Variants in PPP2R1B observed in about 807,000 individuals in gnomAD.
PPP2R1B encodes protein phosphatase 2 scaffold subunit Abeta, also known as serine/threonine-protein phosphatase 2A 65 kDa regulatory subunit A beta isoform.
PPP2R1B carries 58 observed loss-of-function variants against 72.7 expected under a neutral mutation model. The ratio of observed to expected loss-of-function variants is 0.80; its 90% CI spans 0.65 to 0.99. The LOEUF is 0.99. Among genes scored for constraint, PPP2R1B ranks in the 50% least tolerant of loss-of-function variants. The pLI, the probability that PPP2R1B is intolerant of heterozygous loss-of-function variation, is 0.00. For missense variants in PPP2R1B, 695 were observed against 733.6 expected (o/e 0.95, Z 0.61); for synonymous variants, 256 against 264.6 (o/e 0.97, Z 0.32).
At chr11:111,743,646 C>A in intron 11 of PPP2R1B, 116 bp from the exon 12 acceptor site, 1 of 1,223,286 alleles carries the variant, frequency 8.2e-7, no homozygotes, top group Admixed American at 2.3e-5. Flanking sequence ...TGCAATCAGA[C>A]TCCACATGTA....
chr11:111,752,468 G>A, intron 9 of PPP2R1B, 136 bp from the exon 10 acceptor site: 1 of 808,520 alleles, frequency 1.2e-6, no homozygotes, highest in Non-Finnish European at 1.8e-6. Context: ...AAATAATAGT[G>A]AATACATAAA....
Position 111,761,012 on chromosome 11 carries a change from C to A in PPP2R1B, c.346G>T (p.Val116Phe). The change falls in exon 4 of 15, where the codon GTT becomes TTT. Residue 116 changes from valine (V) to phenylalanine (F), a missense_variant. Physicochemically the swap from Val to Phe is conservative, Grantham distance 50 (BLOSUM62 -1). Transcript: ENST00000527614. ...AGGGACTCCACAGCCTTGTCACGAACAACAGTCTCTTCCACAGTTGCCAGA... is the reference window on the plus strand; with the variant it reads ...AGGGACTCCACAGCCTTGTCACGAAAAACAGTCTCTTCCACAGTTGCCAGA... ...ENLATVEETV[V>F]RDKAVESLRQ... 1 of 1,614,174 alleles carries A rather than the reference C, an allele frequency of 6.2e-7. No individual in the cohort carries two copies. Among genetic ancestry groups the A allele is most frequent in the Non-Finnish European group, 8.5e-7 (1 of 1,180,028 alleles).
At chr11:111,753,323 A>G (rs1008323613) in intron 9 of PPP2R1B, 120 bp downstream of exon 9, 92 of 1,354,208 alleles carry the variant, frequency 6.8e-5, no homozygotes, top group Non-Finnish European at 8.8e-5. Context: ...TTGGTTTAAA[A>G]TAAGTTATGA....
chr11:111,732,262 A>C (rs1944216907), intron 15 of PPP2R1B, among the ~76,000 whole-genome samples: 1 of 152,224 alleles, frequency 6.6e-6, no homozygotes, highest in African/African-American at 2.4e-5. Context: ...GCTATGGACT[A>C]TTCCCAAAGA....
intron 9 of PPP2R1B, among the ~76,000 whole-genome samples, chr11:111,752,577 ATC>A (rs1187117725): frequency 6.6e-6 from 1 of 152,246 alleles, no homozygotes; most frequent in Non-Finnish European, 1.5e-5. Context: ...AAAGAGCATA[ATC>A]TCTGGAACTA....
At chr11:111,720,591 G>A in the PPP2R1B span, 1 of 1,614,066 alleles carries the variant, frequency 6.2e-7, no homozygotes, top group Non-Finnish European at 8.5e-7. Flanking sequence ...TTCCCTTAAG[G>A]ACATCATGTT....
chr11:111,714,870 C>G, the PPP2R1B span, among the ~76,000 whole-genome samples: 2 of 152,150 alleles, frequency 1.3e-5, no homozygotes, highest in Non-Finnish European at 2.9e-5. Flanking sequence ...TACAGTCCCA[C>G]TCAGAAAGTT....
chr11:111,761,702 G>A (rs1343113691), intron 3 of PPP2R1B, among the ~76,000 whole-genome samples: 2 of 152,236 alleles, frequency 1.3e-5, no homozygotes, highest in Non-Finnish European at 2.9e-5. Flanking sequence ...GCTCACACCT[G>A]TAATCCCAGC....
downstream of PPP2R1B, among the ~76,000 whole-genome samples, chr11:111,735,636 G>A (rs574503297): frequency 1.2e-4 from 19 of 152,358 alleles, no homozygotes; most frequent in South Asian, 3.7e-3. Context: ...CTTCACCAAG[G>A]GAGACTGGCT....
chr11:111,730,028 G>A (rs1336612562), intron 15 of PPP2R1B: 5 of 152,292 alleles, frequency 3.3e-5, no homozygotes, highest in South Asian at 2.1e-4. Flanking sequence ...GAACGGTCAT[G>A]AACTCAGCCT....
At chr11:111,720,364 A>T in the PPP2R1B span, 1 of 1,125,918 alleles carries the variant, frequency 8.9e-7, no homozygotes, top group Non-Finnish European at 1.2e-6. Flanking sequence ...AGATGTTTTG[A>T]TTGGAAATTA....
downstream of PPP2R1B, chr11:111,726,421 C>T (rs1387019047): frequency 6.5e-6 from 1 of 153,384 alleles, no homozygotes; most frequent in Non-Finnish European, 1.5e-5. Context: ...AGCAGCCAGG[C>T]CTATCAGGAT....
At position 111,765,959 on chromosome 11, in the gene PPP2R1B, G is replaced by C. The variant is rs1555052948; in HGVS notation, c.114+289C>G. The C allele has an allele frequency of 5.4e-6, 3 of 558,544 alleles. No individual in the cohort carries two copies. The African/African-American group carries it at 5.6e-5, about 10-fold the overall frequency. 34.6% of individuals were successfully genotyped at this position (558,544 alleles called of 1,614,324 possible). ...AGAGACGCGGCCACCTCACGGCCCG[G>C]ATGGGGCGCCCAGGCGGGAAGCGGG... On this transcript the variant is annotated intron_variant, in intron 1 of 14. Transcript: ENST00000527614.
the PPP2R1B span, chr11:111,720,586 T>G: frequency 1.2e-6 from 2 of 1,614,156 alleles, no homozygotes; most frequent in Non-Finnish European, 1.7e-6. Context: ...AACCCTTCCC[T>G]TAAGGACATC....
chr11:111,766,107 T>C (rs1945525698), intron 1 of PPP2R1B, 141 bp downstream of exon 1: 2 of 775,248 alleles, frequency 2.6e-6, no homozygotes, highest in Non-Finnish European at 4.2e-6. Context: ...TCGCGGAGCA[T>C]TCCCCGCCTC....
intron 4 of PPP2R1B, among the ~76,000 whole-genome samples, chr11:111,760,402 T>G (rs781823048): frequency 6.6e-6 from 1 of 152,184 alleles, no homozygotes; most frequent in Non-Finnish European, 1.5e-5. Context: ...AAGCTGGTCT[T>G]GAACTCCTGA....
chr11:111,718,958 CA>C, the PPP2R1B span: 6 of 152,270 alleles, frequency 3.9e-5, no homozygotes, highest in African/African-American at 1.4e-4. Context: ...TGCCATTAGG[CA>C]GTGTGCGTGG....
chr11:111,722,786 G>C (rs1352961573), downstream of PPP2R1B: 3 of 1,603,074 alleles, frequency 1.9e-6, no homozygotes, highest in South Asian at 3.3e-5. The surrounding 1 kb of genome is among the most constrained non-coding windows in gnomAD (Gnocchi z 4.4). Context: ...CAAAGAAGTT[G>C]CTTCCTTTTC....
rs952680038 is a variant in PPP2R1B at position 111,740,348 on chromosome 11, G to C, written c.*1248C>G. 8.2e-6 allele frequency: 7 copies of C among 856,778 alleles called. No homozygotes were observed. The highest frequency in any genetic ancestry group is 3.7e-5 in the African/African-American group (2 of 54,486). 53.1% of individuals were successfully genotyped at this position (856,778 alleles called of 1,614,324 possible). A position where few individuals can be genotyped will look rare whatever the true frequency, so the allele number is the denominator to read the frequency against. ...TTCTCCTGCCTCAGCCTCCTGAGTA[G>C]CTGGGACTACAGGTGTGTGCCACCA... On this transcript the variant is annotated 3_prime_UTR_variant, in exon 15 of 15. Transcript: ENST00000527614.
Sources: gnomAD v4.1 joint callset for allele counts (sites outside exome capture counted in the v4.1 genomes callset) on GRCh38, gnomAD v4.1.1 for gene constraint, Gnocchi (gnomAD v3.1) non-coding constraint, MANE v1.5 for transcripts, NCBI Gene and HGNC (gene_info 2026-07-23, HGNC 2026-07-21) for gene names.